Variants in CDKAL1 observed in about 807,000 individuals in gnomAD.
CDKAL1 encodes threonylcarbamoyladenosine tRNA methylthiotransferase.
Under a neutral mutation model 68.2 loss-of-function variants are expected in CDKAL1, and 32 were observed. That is an observed-to-expected ratio of 0.47 (90% CI 0.35 to 0.63). CDKAL1 has a LOEUF of 0.63. CDKAL1 is among the 30% of genes least tolerant of loss of function. CDKAL1 has a pLI of 0.00. For missense variants in CDKAL1, 606 were observed against 696.7 expected (o/e 0.87, Z 1.47); for synonymous variants, 234 against 244.3 (o/e 0.96, Z 0.39).
intron 5 of CDKAL1, among the ~76,000 whole-genome samples, chr6:20,660,169 G>C (rs1386730213): frequency 1.3e-5 from 2 of 152,106 alleles, no homozygotes; most frequent in Admixed American, 1.3e-4. Context: ...TCTGTTCCAT[G>C]CTAGTTCTTT....
chr6:20,938,889 GTTCTT>G (rs1763849377), intron 9 of CDKAL1, among the ~76,000 whole-genome samples: 2 of 151,792 alleles, frequency 1.3e-5, no homozygotes, highest in Non-Finnish European at 2.9e-5. Context: ...ACTTTCTTAT[GTTCTT>G]TTCTTTGTAA....
intron 8 of CDKAL1, among the ~76,000 whole-genome samples, chr6:20,825,642 T>C (rs1777471976): frequency 6.6e-6 from 1 of 152,174 alleles, no homozygotes; most frequent in Non-Finnish European, 1.5e-5. Context: ...GGTTTGATTC[T>C]TCCTGATAGT....
intron 13 of CDKAL1, among the ~76,000 whole-genome samples, chr6:21,133,625 T>C (rs947720359): frequency 1.3e-5 from 2 of 152,216 alleles, no homozygotes; most frequent in African/African-American, 4.8e-5. Context: ...ATTAATCATA[T>C]CCTGAACTAA....
chr6:21,224,759 G>GTGTT (rs1220048822), intron 15 of CDKAL1, among the ~76,000 whole-genome samples: 1 of 152,122 alleles, frequency 6.6e-6, no homozygotes, highest in Non-Finnish European at 1.5e-5. Context: ...TAGGTTTGTG[G>GTGTT]TGTTTTGTTA....
intron 4 of CDKAL1, among the ~76,000 whole-genome samples, chr6:20,552,266 T>C (rs1273794666): frequency 1.3e-5 from 2 of 151,944 alleles, no homozygotes; most frequent in Non-Finnish European, 2.9e-5. Context: ...GCAGGATCGC[T>C]TGAGCCTGAG....
intron 4 of CDKAL1, among the ~76,000 whole-genome samples, chr6:20,593,231 T>A (rs1765670730): frequency 6.6e-6 from 1 of 152,180 alleles, no homozygotes; most frequent in African/African-American, 2.4e-5. Flanking sequence ...TTGGAATAGT[T>A]TCAGAAGGAA....
intron 15 of CDKAL1, among the ~76,000 whole-genome samples, chr6:21,210,810 G>A (rs1487186743): frequency 6.6e-6 from 1 of 152,160 alleles, no homozygotes; most frequent in Non-Finnish European, 1.5e-5. Flanking sequence ...ATGCTAGATG[G>A]CCCACAGAAT....
chr6:20,926,278 T>A (rs868568319), intron 9 of CDKAL1, among the ~76,000 whole-genome samples: 1 of 152,084 alleles, frequency 6.6e-6, no homozygotes, highest in Non-Finnish European at 1.5e-5. Flanking sequence ...GAAAAAATAA[T>A]CTGGTCAGTA....
At chr6:20,643,082 A>G (rs1365208113) in intron 4 of CDKAL1, among the ~76,000 whole-genome samples, 2 of 152,232 alleles carry the variant, frequency 1.3e-5, no homozygotes, top group African/African-American at 4.8e-5. Flanking sequence ...TCAGCTGCAT[A>G]TCAGAGGTTA....
chr6:21,153,578 A>T (rs772949508), intron 13 of CDKAL1, among the ~76,000 whole-genome samples: 1 of 152,160 alleles, frequency 6.6e-6, no homozygotes, highest in African/African-American at 2.4e-5. Context: ...TGCTTAGGAA[A>T]CTATCTTGAT....
intron 15 of CDKAL1, among the ~76,000 whole-genome samples, chr6:21,216,234 G>T (rs151204350): frequency 1.3e-5 from 2 of 152,112 alleles, no homozygotes; most frequent in Admixed American, 6.5e-5. Flanking sequence ...ATTTGTTACC[G>T]CAGCAATTGG....
intron 9 of CDKAL1, among the ~76,000 whole-genome samples, chr6:20,889,828 G>A (rs1407921762): frequency 1.3e-5 from 2 of 152,174 alleles, no homozygotes; most frequent in African/African-American, 4.8e-5. Context: ...GCTTAGGATT[G>A]TCTTGGCAAT....
chr6:21,065,676 C>CTTTTTTTTTTTTTTT (rs200076110), intron 12 of CDKAL1, among the ~76,000 whole-genome samples: 1 of 133,234 alleles, frequency 7.5e-6, no homozygotes, highest in Non-Finnish European at 1.6e-5. Context: ...ATCTTTCTAC[C>CTTTTTTTTTTTTTTT]TTTTTTTTTT....
chr6:20,955,378 G>A, intron 9 of CDKAL1, 41 bp from the exon 10 acceptor site: 1 of 1,598,068 alleles, frequency 6.3e-7, no homozygotes, highest in Non-Finnish European at 8.6e-7. Context: ...GAAGGAAACA[G>A]CTCTGCCACA....
At chr6:20,828,517 C>T (rs1223530890) in intron 8 of CDKAL1, among the ~76,000 whole-genome samples, 1 of 152,154 alleles carries the variant, frequency 6.6e-6, no homozygotes, top group Non-Finnish European at 1.5e-5. Flanking sequence ...ACATGAGCCA[C>T]TGTGCTTGGC....
intron 12 of CDKAL1, among the ~76,000 whole-genome samples, chr6:21,090,805 CTTT>C (rs67647227): frequency 5.3e-5 from 7 of 132,596 alleles, no homozygotes; most frequent in East Asian, 2.2e-4. Flanking sequence ...TTTCTTTTTT[CTTT>C]TTTTTTTTTT....
chr6:20,820,831 C>T (rs181583531), intron 8 of CDKAL1, among the ~76,000 whole-genome samples: 11 of 152,042 alleles, frequency 7.2e-5, no homozygotes, highest in Admixed American at 7.2e-4. Flanking sequence ...TTCCTGTCTT[C>T]ATGGAGTTTC....
At chr6:21,110,069 A>T (rs1350138396) in intron 13 of CDKAL1, among the ~76,000 whole-genome samples, 1 of 152,176 alleles carries the variant, frequency 6.6e-6, no homozygotes, top group Non-Finnish European at 1.5e-5. Flanking sequence ...TCAGGCAGTG[A>T]GGAATTGAAT....
At chr6:21,020,558 C>A (rs908654283) in intron 11 of CDKAL1, among the ~76,000 whole-genome samples, 2 of 152,088 alleles carry the variant, frequency 1.3e-5, no homozygotes, top group Non-Finnish European at 2.9e-5. Flanking sequence ...ACCTCTGCCT[C>A]CCAGGTTCAA....
Sources: gnomAD v4.1 joint callset for allele counts (sites outside exome capture counted in the v4.1 genomes callset) on GRCh38, gnomAD v4.1.1 for gene constraint, MANE v1.5 for transcripts, NCBI Gene and HGNC (gene_info 2026-07-23, HGNC 2026-07-21) for gene names.